Variants in PELP1 observed in about 807,000 individuals in gnomAD.
The protein encoded by PELP1 is proline-, glutamic acid- and leucine-rich protein 1.
In PELP1, 32 loss-of-function variants were observed where a neutral mutation model predicts 95.5. The ratio of observed to expected loss-of-function variants is 0.34; its 90% confidence interval spans 0.25 to 0.45. The LOEUF is 0.45. Among genes scored for constraint, PELP1 ranks in the 20% least tolerant of loss-of-function variants. The probability of loss-of-function intolerance (pLI) is 1.00; values close to 1 mark genes in which losing one functional copy is unlikely to be tolerated. For missense variants in PELP1, 1,358 were observed against 1,444.8 expected (o/e 0.94, Z 0.97); for synonymous variants, 668 against 600.1 (o/e 1.11, Z -1.65).
intron 1 of PELP1, among the ~76,000 whole-genome samples, chr17:4,698,351 C>A (rs868546345): frequency 1.3e-5 from 2 of 151,828 alleles, no homozygotes; most frequent in African/African-American, 4.8e-5. Context: ...GACATTATAA[C>A]TAAAAGCAAG....
chr17:4,673,111 C>G lies in PELP1; in HGVS notation c.1880G>C (p.Cys627Ser), dbSNP rs1346752141. ...AACCCGGGGGTGGGTCAGAGCAGCA[C>G]AGGTCACCAGTGCTTCTGAGCAGAA... The part of the protein sequence containing the change: ...SSFCSEALVT[C>S]AALTHPRVPP... Residue 627 changes from cysteine (C) to serine (S), a missense_variant, in exon 16 of 17, where the codon TGT becomes TCT. Around this residue, in one of 7 missense-constraint regions of PELP1, gnomAD observed 18 missense variants for 39.0 expected, o/e 0.46. Transcript: ENST00000572293. This position sits in a 1 kb window ranked among gnomAD's most constrained non-coding sequence, Gnocchi z 5.7. The G allele has an allele frequency of 2.6e-6, 4 of 1,523,042 alleles. No homozygotes were observed. Among genetic ancestry groups the G allele is most frequent in the African/African-American group, 1.4e-5 (1 of 71,960 alleles). 94.3% of individuals were successfully genotyped at this position (1,523,042 alleles called of 1,614,324 possible). A position where few individuals can be genotyped will look rare whatever the true frequency, so the allele number is the denominator to read the frequency against.
In PELP1 at chr17:4,673,210, A is replaced by G. The variant is rs1181575919; in HGVS notation, c.1845+40T>C. 5.2e-6 allele frequency: 8 copies of G among 1,535,214 alleles called. No homozygotes were observed. Among genetic ancestry groups the G allele is most frequent in the Non-Finnish European group, 6.2e-6 (7 of 1,136,422 alleles). ...ACTGGGAGTCTCTTGGAAACAAGAG[A>G]CTCCAGGAACCAAAGAGGGGCTTGG... is the stretch of plus-strand genomic sequence containing the variant. On this transcript the variant is annotated intron_variant, in intron 15 of 16. Coordinates refer to ENST00000572293, the MANE Select transcript of PELP1 (RefSeq NM_014389.3). The surrounding 1 kb of genome is among the most constrained non-coding windows in gnomAD (Gnocchi z 5.7).
intron 3 of PELP1, 39 bp downstream of exon 3, chr17:4,690,849 G>T: frequency 8.0e-7 from 1 of 1,252,968 alleles, no homozygotes; most frequent in Non-Finnish European, 1.2e-6. Context: ...GAATAAGATG[G>T]GGGAGGAGGA....
intron 1 of PELP1, among the ~76,000 whole-genome samples, chr17:4,693,249 C>T (rs1178100091): frequency 6.6e-6 from 1 of 152,124 alleles, no homozygotes; most frequent in East Asian, 1.9e-4. Flanking sequence ...ACGTTCACAG[C>T]AGCATCATTC....
At chr17:4,676,847 G>A in intron 5 of PELP1, 35 bp from the exon 6 acceptor site, 1 of 1,508,928 alleles carries the variant, frequency 6.6e-7, no homozygotes, top group Non-Finnish European at 9.0e-7. Context: ...AGGCCAGTGA[G>A]CCAGCTCTGA....
At chr17:4,688,190 C>T (rs543670932) in intron 3 of PELP1, among the ~76,000 whole-genome samples, 1 of 152,184 alleles carries the variant, frequency 6.6e-6, no homozygotes, top group Non-Finnish European at 1.5e-5. Context: ...CAAACATTAG[C>T]CGGGCGGGGT....
intron 1 of PELP1, among the ~76,000 whole-genome samples, chr17:4,697,393 G>C (rs1170351691): frequency 1.3e-5 from 2 of 152,048 alleles, no homozygotes; most frequent in African/African-American, 4.8e-5. Flanking sequence ...ACACACCTGT[G>C]GTCCCAGCTA....
At chr17:4,674,768 G>C (rs1056866434) in intron 12 of PELP1, 41 bp downstream of exon 12, 6 of 1,590,636 alleles carry the variant, frequency 3.8e-6, no homozygotes, top group Non-Finnish European at 5.1e-6. Flanking sequence ...TTGGTCAAAG[G>C]GCACAGGATG....
At chr17:4,686,683 A>C (rs1912920257) in intron 3 of PELP1, among the ~76,000 whole-genome samples, 1 of 151,838 alleles carries the variant, frequency 6.6e-6, no homozygotes, top group Non-Finnish European at 1.5e-5. Flanking sequence ...ATGCCTGGCT[A>C]ATTTTTGTAT....
At chr17:4,682,404 T>TG in intron 5 of PELP1, 98 bp downstream of exon 5, 1 of 805,168 alleles carries the variant, frequency 1.2e-6, no homozygotes, top group African/African-American at 1.7e-5. Context: ...CTTTAAAGGA[T>TG]AATCAGAAGA....
chr17:4,688,184 C>A (rs9902658), intron 3 of PELP1, among the ~76,000 whole-genome samples: 148,801 of 152,178 alleles, frequency 0.98, 72,831 homozygotes, highest in Middle Eastern at 1. Context: ...AAAATACAAA[C>A]ATTAGCCGGG....
At position 4,698,652 on chromosome 17, in the gene PELP1, AC is replaced by A. The variant is rs201585549; in HGVS notation, c.249+5210del. ...CTGAGATTGTCTCAAAAAAAAAAAA[AC>A]AAGGCAAAACAAACAACAACAAAAA... On this transcript the variant is annotated intron_variant, in intron 1 of 16. Coordinates refer to ENST00000572293, the MANE Select transcript of PELP1 (RefSeq NM_014389.3). 1.7e-3 allele frequency among the ~76,000 whole-genome samples: 261 copies of A among 149,900 alleles called. 11 individuals are homozygous for A. Among genetic ancestry groups the A allele is most frequent in the Admixed American group, 4.7e-3 (71 of 15,052 alleles).
intron 5 of PELP1, among the ~76,000 whole-genome samples, chr17:4,680,804 A>C (rs569360276): frequency 3.3e-5 from 5 of 152,338 alleles, no homozygotes; most frequent in Non-Finnish European, 7.3e-5. Context: ...ACAGGGGAAT[A>C]CCTACTTGTT....
Position 4,676,744 on chromosome 17 carries a change from G to C in PELP1, c.702+9C>G. On this transcript the variant is annotated intron_variant, in intron 6 of 16. Coordinates refer to ENST00000572293, the MANE Select transcript of PELP1 (RefSeq NM_014389.3). ...CCCCGGGCTCTCCCTCTCCCTCCCT[G>C]CCCTTTACCTGTTGGAGCTGAGGGC... The C allele has an allele frequency of 1.9e-6, 3 of 1,564,486 alleles. No individual in the cohort carries two copies. The Middle Eastern group carries it at 5.0e-4, about 261-fold the overall frequency.
chr17:4,687,943 T>C (rs924840499), intron 3 of PELP1, among the ~76,000 whole-genome samples: 6 of 152,226 alleles, frequency 3.9e-5, no homozygotes, highest in African/African-American at 1.4e-4. Context: ...AGCATTCCCC[T>C]TGAGAACTGG....
chr17:4,672,851 G>A lies in PELP1; in HGVS notation c.2140C>T (p.Pro714Ser). 1.9e-6 allele frequency: 3 copies of A among 1,613,934 alleles called. No homozygotes were observed. Among genetic ancestry groups the A allele is most frequent in the Non-Finnish European group, 1.7e-6 (2 of 1,179,842 alleles). The change falls in exon 16 of 17, where the codon CCA becomes TCA. Residue 714 changes from proline to serine, a missense_variant. Pro to Ser is a moderately conservative substitution (Grantham distance 74). Coordinates refer to ENST00000572293, the MANE Select transcript of PELP1 (RefSeq NM_014389.3). The stretch of plus-strand genomic sequence containing the variant: ...CGGGGAGGGACAGACACTAGGCCTG[G>A]GACAGAAAGGCCTAGGTGGTTGGCT... Reference protein sequence around the residue: ...TTANHLGLSVPGLVSVPPRLL... With the variant: ...TTANHLGLSVSGLVSVPPRLL...
Position 4,672,984 on chromosome 17 carries a change from G to C in PELP1, c.2007C>G (p.Gly669=). 2.5e-6 allele frequency: 4 copies of C among 1,573,020 alleles called. No individual in the cohort carries two copies. Among genetic ancestry groups the C allele is most frequent in the Non-Finnish European group, 3.4e-6 (4 of 1,159,936 alleles). Residue 669 remains glycine, a synonymous_variant, in exon 16 of 17, where the codon GGC becomes GGG. Coordinates refer to ENST00000572293, the MANE Select transcript of PELP1 (RefSeq NM_014389.3). ...PFRAPPFHPP[G]PMPSVGSMPS... is the part of the protein sequence containing the mutation. The stretch of plus-strand genomic sequence containing the variant: ...GCATGGAGCCCACTGAGGGCATGGG[G>C]CCCGGAGGATGGAACGGTGGGGCCC...
intron 1 of PELP1, among the ~76,000 whole-genome samples, chr17:4,701,326 G>GC (rs1025928629): frequency 5.3e-5 from 8 of 151,554 alleles, no homozygotes; most frequent in Non-Finnish European, 8.8e-5. Context: ...ATGAGAGTTG[G>GC]GGGGGTGGGG....
chr17:4,685,952 C>A (rs6502810), intron 3 of PELP1, among the ~76,000 whole-genome samples: 148,590 of 151,964 alleles, frequency 0.98, 72,729 homozygotes, highest in Middle Eastern at 1. Flanking sequence ...CAAAAATTAG[C>A]CGGGTGTGGT....
Sources: allele counts gnomAD v4.1 joint callset (sites outside exome capture counted in the v4.1 genomes callset), GRCh38; gene constraint gnomAD v4.1.1; regional missense constraint gnomAD v4.1.1; non-coding constraint Gnocchi (gnomAD v3.1); transcripts MANE v1.5; gene names NCBI Gene and HGNC (gene_info 2026-07-23, HGNC 2026-07-21).